TBC1D12: variants seen among roughly 807,000 people sequenced by gnomAD.
TBC1D12 encodes the protein TBC1 domain family, member 12.
In TBC1D12, 56 loss-of-function variants were observed where a neutral mutation model predicts 86.7. The ratio of observed to expected loss-of-function variants is 0.65; its 90% confidence interval spans 0.52 to 0.81. TBC1D12 has a LOEUF of 0.81. Ranked by LOEUF, TBC1D12 falls within the 30% of genes least tolerant of loss-of-function variation. TBC1D12 has a pLI of 0.00. For missense variants in TBC1D12, 1,023 were observed against 1,038.8 expected, an observed-to-expected ratio of 0.98 and a Z score of 0.21; for synonymous variants, 421 against 411.7, an observed-to-expected ratio of 1.02 and a Z score of -0.27.
At chr10:94,472,678 T>G (rs796281425) in intron 2 of TBC1D12, among the ~76,000 whole-genome samples, 11 of 152,302 alleles carry the variant, frequency 7.2e-5, no homozygotes, top group African/African-American at 2.4e-4. Flanking sequence ...TTGGAGTTTG[T>G]AATGAAGAAA....
intron 6 of TBC1D12, among the ~76,000 whole-genome samples, chr10:94,506,292 G>A (rs2056460147): frequency 6.6e-6 from 1 of 152,104 alleles, no homozygotes; most frequent in Non-Finnish European, 1.5e-5. Flanking sequence ...ACCCGCCTCG[G>A]CCTCCCAAAG....
chr10:94,503,641 T>C (rs1478864628), intron 6 of TBC1D12, among the ~76,000 whole-genome samples: 2 of 152,214 alleles, frequency 1.3e-5, no homozygotes, highest in Non-Finnish European at 2.9e-5. Context: ...GTATTTATTT[T>C]TGAGATGGAG....
At chr10:94,471,507 C>T (rs1453930477) in intron 2 of TBC1D12, among the ~76,000 whole-genome samples, 1 of 152,168 alleles carries the variant, frequency 6.6e-6, no homozygotes, top group Non-Finnish European at 1.5e-5. Flanking sequence ...CCACACCTTT[C>T]TAATCTTATT....
chr10:94,429,038 G>A (rs2134072062), intron 1 of TBC1D12, among the ~76,000 whole-genome samples: 1 of 151,782 alleles, frequency 6.6e-6, no homozygotes, highest in South Asian at 2.1e-4. Context: ...ACTCTGACCT[G>A]GATAGTCTTT....
At chr10:94,494,170 C>T (rs2056284481) in intron 4 of TBC1D12, among the ~76,000 whole-genome samples, 1 of 152,000 alleles carries the variant, frequency 6.6e-6, no homozygotes, top group African/African-American at 2.4e-5. Context: ...CATTCATTCT[C>T]TTTTCCAACC....
intron 3 of TBC1D12, among the ~76,000 whole-genome samples, 179 bp from the exon 4 acceptor site, chr10:94,493,183 TAAC>T (rs1452679381): frequency 6.6e-6 from 1 of 151,818 alleles, no homozygotes; most frequent in African/African-American, 2.4e-5. Flanking sequence ...CACCACATAT[TAAC>T]AACCTGGATT....
intron 2 of TBC1D12, among the ~76,000 whole-genome samples, chr10:94,451,814 A>G (rs1175221762): frequency 6.6e-6 from 1 of 152,084 alleles, no homozygotes; most frequent in Non-Finnish European, 1.5e-5. Flanking sequence ...GAAGGCTAAC[A>G]TGATGTCATC....
intron 6 of TBC1D12, among the ~76,000 whole-genome samples, chr10:94,501,100 A>G (rs1004676636): frequency 2.3e-4 from 33 of 143,518 alleles, no homozygotes; most frequent in African/African-American, 6.0e-4. Context: ...ATGAATGAAT[A>G]AATAAATAAA....
chr10:94,500,266 C>T lies in TBC1D12; in HGVS notation c.1458C>T (p.Pro486=), dbSNP rs61737860. 3,745 of 1,613,852 alleles carry T rather than the reference C, an allele frequency of 2.3e-3. 102 individuals are homozygous for T. In the African/African-American group the frequency reaches 0.044, roughly 19 times the overall value. The change falls in exon 6 of 13, where the codon CCC becomes CCT. Residue 486 remains proline, a synonymous_variant. Coordinates refer to ENST00000225235, the MANE Select transcript of TBC1D12 (RefSeq NM_015188.2). ...GAGAATTGTGGTGGCAGGGATTGCC[C>T]CCTAGTGTCCGTGGGAAAGTTTGGA... ...RVRELWWQGL[P]PSVRGKVWSL...
At chr10:94,504,618 A>G (rs1021886056) in intron 6 of TBC1D12, among the ~76,000 whole-genome samples, 7 of 152,210 alleles carry the variant, frequency 4.6e-5, no homozygotes, top group Non-Finnish European at 8.8e-5. Context: ...CTCTAAAGTC[A>G]GTCAAATATG....
intron 1 of TBC1D12, among the ~76,000 whole-genome samples, chr10:94,435,806 G>A (rs1185527777): frequency 6.6e-6 from 1 of 152,172 alleles, no homozygotes; most frequent in Non-Finnish European, 1.5e-5. Context: ...GCTTTCAAAA[G>A]TTTGCCTTTC....
chr10:94,532,984 G>T (rs751411451), intron 12 of TBC1D12, 44 bp from the exon 13 acceptor site: 22 of 1,090,086 alleles, frequency 2.0e-5, no homozygotes, highest in South Asian at 7.2e-5. Context: ...TTTAATCTGG[G>T]TGGTAGTTTT....
chr10:94,476,330 A>T (rs1367697490), intron 3 of TBC1D12, among the ~76,000 whole-genome samples: 1 of 152,166 alleles, frequency 6.6e-6, no homozygotes, highest in Admixed American at 6.5e-5. Flanking sequence ...ATTCCCTCAT[A>T]CTAAAGAATT....
intron 3 of TBC1D12, among the ~76,000 whole-genome samples, chr10:94,491,137 C>T (rs2056239663): frequency 6.6e-6 from 1 of 151,972 alleles, no homozygotes; most frequent in Non-Finnish European, 1.5e-5. Flanking sequence ...TGCCCAGTGT[C>T]TGTTGTCTGG....
At chr10:94,532,950 A>G (rs1842468352) in intron 12 of TBC1D12, 78 bp from the exon 13 acceptor site, 1 of 807,086 alleles carries the variant, frequency 1.2e-6, no homozygotes, top group Non-Finnish European at 1.9e-6. Context: ...TTTCATGTTT[A>G]TGAACTATAG....
chr10:94,512,097 C>T (rs973807203), intron 9 of TBC1D12, among the ~76,000 whole-genome samples: 14 of 152,196 alleles, frequency 9.2e-5, no homozygotes, highest in Non-Finnish European at 1.8e-4. Context: ...CTCCATTTCA[C>T]AGGTACCTGA....
chr10:94,532,568 A>G (rs998069328), intron 12 of TBC1D12, among the ~76,000 whole-genome samples: 24 of 152,200 alleles, frequency 1.6e-4, no homozygotes, highest in Non-Finnish European at 3.1e-4. Context: ...TTATTTTGGT[A>G]TTTCAAATAG....
At chr10:94,493,111 G>A (rs920338689) in intron 3 of TBC1D12, among the ~76,000 whole-genome samples, 2 of 151,046 alleles carry the variant, frequency 1.3e-5, no homozygotes, top group African/African-American at 4.9e-5. Flanking sequence ...AATCTGAAAT[G>A]TTTAAATATA....
chr10:94,468,745 T>C (rs1233375715), intron 2 of TBC1D12, among the ~76,000 whole-genome samples: 1 of 152,224 alleles, frequency 6.6e-6, no homozygotes, highest in African/African-American at 2.4e-5. Context: ...CAGCCATTAT[T>C]GTCTTAAATA....
Sources: allele counts gnomAD v4.1 joint callset (sites outside exome capture counted in the v4.1 genomes callset), GRCh38; gene constraint gnomAD v4.1.1; transcripts MANE v1.5; gene names NCBI Gene and HGNC (gene_info 2026-07-23, HGNC 2026-07-21).